AATF: variants seen among roughly 807,000 people sequenced by gnomAD.
The protein encoded by AATF is protein AATF.
In AATF, 48 loss-of-function variants were observed where a neutral mutation model predicts 63.7. The ratio of observed to expected loss-of-function variants is 0.75; its 90% CI spans 0.60 to 0.96. The LOEUF (loss-of-function observed/expected upper bound fraction) is 0.96. AATF is among the 40% of genes least tolerant of loss of function. AATF has a pLI of 0.00. For missense variants in AATF, 639 were observed against 685.7 expected, an observed-to-expected ratio of 0.93 and a Z score of 0.76; for synonymous variants, 258 against 247.7, an observed-to-expected ratio of 1.04 and a Z score of -0.39.
intron 7 of AATF, among the ~76,000 whole-genome samples, chr17:36,990,028 T>TTAATAGTTGTAACAAGTTTACAGTTAA (rs1417307961): frequency 7.2e-5 from 11 of 152,272 alleles, no homozygotes; most frequent in East Asian, 3.9e-4. Flanking sequence ...CAGTTAATAA[T>TTAATAGTTGTAACAAGTTTACAGTTAA]TAATAGTTGT....
chr17:36,953,933 A>G, intron 4 of AATF, 26 bp downstream of exon 4: 3 of 1,609,290 alleles, frequency 1.9e-6, no homozygotes, highest in Non-Finnish European at 2.5e-6. Flanking sequence ...TCCTGTTGGA[A>G]TACTTAGAAC....
At chr17:37,013,119 A>G (rs551470134) in intron 8 of AATF, among the ~76,000 whole-genome samples, 1 of 152,358 alleles carries the variant, frequency 6.6e-6, no homozygotes, top group East Asian at 1.9e-4. Flanking sequence ...TTACAGCTCA[A>G]TAACAAAAAG....
intron 8 of AATF, among the ~76,000 whole-genome samples, chr17:37,010,841 A>G (rs76014915): frequency 0.12 from 18,404 of 152,220 alleles, 1,345 homozygotes; most frequent in Non-Finnish European, 0.16. Flanking sequence ...CACGTACAGA[A>G]TGAAGCCTGG....
intron 4 of AATF, among the ~76,000 whole-genome samples, chr17:36,978,561 C>T (rs1298960505): frequency 2.6e-5 from 4 of 152,002 alleles, no homozygotes; most frequent in East Asian, 1.9e-4. Context: ...ACTTTTAGTC[C>T]GCAGAGCTCA....
At chr17:36,994,889 G>A (rs1220664928) in intron 8 of AATF, among the ~76,000 whole-genome samples, 2 of 152,204 alleles carry the variant, frequency 1.3e-5, no homozygotes, top group African/African-American at 2.4e-5. Context: ...TAAGTAGATA[G>A]GTACTTGGCA....
intron 10 of AATF, among the ~76,000 whole-genome samples, chr17:37,023,823 C>T (rs374770070): frequency 3.9e-5 from 6 of 151,932 alleles, no homozygotes; most frequent in African/African-American, 1.5e-4. Flanking sequence ...GGATTGGTTC[C>T]AGGACGCACA....
chr17:36,984,606 G>C (rs2071152454), intron 4 of AATF, among the ~76,000 whole-genome samples: 1 of 152,166 alleles, frequency 6.6e-6, no homozygotes, highest in African/African-American at 2.4e-5. Context: ...GAGAAGGTAA[G>C]AATTCTGTTG....
chr17:36,993,200 C>T (rs970902849), intron 8 of AATF, among the ~76,000 whole-genome samples: 1 of 152,218 alleles, frequency 6.6e-6, no homozygotes, highest in South Asian at 2.1e-4. Flanking sequence ...CACATTCCGA[C>T]ATCTGCTGAG....
chr17:37,007,359 ATTTTTTTTTTTTTTT>A (rs71368436), intron 8 of AATF, among the ~76,000 whole-genome samples: 1 of 112,594 alleles, frequency 8.9e-6, no homozygotes, highest in Admixed American at 9.2e-5. Flanking sequence ...GGCTAATTTA[ATTTTTTTTTTTTTTT>A]TTTTTTTTTT....
chr17:37,008,530 G>A (rs987098587), intron 8 of AATF, among the ~76,000 whole-genome samples: 1 of 152,170 alleles, frequency 6.6e-6, no homozygotes, highest in African/African-American at 2.4e-5. Flanking sequence ...ACTGGTATTT[G>A]ACAAGCCTAT....
intron 10 of AATF, chr17:37,031,327 G>A: frequency 6.5e-6 from 3 of 463,274 alleles, no homozygotes; most frequent in Admixed American, 3.4e-5. Context: ...GGGAGCATGT[G>A]TGTAGATTAC....
intron 8 of AATF, among the ~76,000 whole-genome samples, chr17:37,002,239 A>G (rs2142264983): frequency 6.6e-6 from 1 of 152,194 alleles, no homozygotes; most frequent in East Asian, 1.9e-4. Context: ...GAAGCCACCA[A>G]AAAACTACTA....
chr17:37,007,671 G>A (rs567250021), intron 8 of AATF, among the ~76,000 whole-genome samples: 7 of 152,188 alleles, frequency 4.6e-5, no homozygotes, highest in Middle Eastern at 6.8e-3. Context: ...AGTGTGTATC[G>A]AAGAATTCAG....
In AATF at chr17:36,986,443, C is replaced by T. The variant is rs115599846; in HGVS notation, c.833-174C>T. Among the ~76,000 whole-genome samples, 1,142 of 152,270 alleles carry T rather than the reference C, an allele frequency of 7.5e-3. 11 individuals are homozygous for T. The highest frequency in any genetic ancestry group is 0.027 in the African/African-American group (1,108 of 41,540). On this transcript the variant is annotated intron_variant, in intron 4 of 11. Coordinates refer to ENST00000619387, the MANE Select transcript of AATF (RefSeq NM_012138.4). ...CACAACAATCCTGTGAGGTAGGCAACGTTGTTATTTCCATTTGGGAATATT... is the reference window on the plus strand; with the variant it reads ...CACAACAATCCTGTGAGGTAGGCAATGTTGTTATTTCCATTTGGGAATATT...
intron 4 of AATF, among the ~76,000 whole-genome samples, chr17:36,969,056 TC>T (rs139300114): frequency 0.042 from 6,424 of 152,266 alleles, 365 homozygotes; most frequent in African/African-American, 0.13. Flanking sequence ...TTTTTGGTGA[TC>T]CTCTGCGGTC....
chr17:36,952,962 C>T lies in AATF; in HGVS notation c.360C>T (p.Asp120=), dbSNP rs375023126. The T allele has an allele frequency of 4.6e-5, 74 of 1,614,092 alleles. No individual in the cohort carries two copies. Among genetic ancestry groups the T allele is most frequent in the Non-Finnish European group, 5.3e-5 (63 of 1,180,032 alleles). ...EGLGLEEYDE[D]DLGAAEEQEC... is the part of the protein sequence containing the mutation. ...TGGGTCTGGAGGAATATGATGAGGA[C>T]GACCTGGGTGCTGCTGAGGAACAGG... The change falls in exon 3 of 12, where the codon GAC becomes GAT. Residue 120 remains aspartate (D), a synonymous_variant. Transcript: ENST00000619387.
intron 4 of AATF, among the ~76,000 whole-genome samples, chr17:36,965,909 T>A (rs998866389): frequency 1.3e-5 from 2 of 152,078 alleles, no homozygotes; most frequent in African/African-American, 4.8e-5. Context: ...GGTCTTGCAG[T>A]GTTCCCCAGG....
chr17:36,988,151 T>C (rs1179280338), intron 5 of AATF, among the ~76,000 whole-genome samples: 9 of 152,060 alleles, frequency 5.9e-5, no homozygotes, highest in African/African-American at 2.2e-4. Context: ...CCATCTTTAC[T>C]AAAAATATGA....
At chr17:36,997,858 C>G (rs1461383372) in intron 8 of AATF, among the ~76,000 whole-genome samples, 1 of 152,158 alleles carries the variant, frequency 6.6e-6, no homozygotes, top group African/African-American at 2.4e-5. Context: ...GATAAAGAAA[C>G]TGTGGTATAT....
Sources: gnomAD v4.1 joint callset for allele counts (sites outside exome capture counted in the v4.1 genomes callset) on GRCh38, gnomAD v4.1.1 for gene constraint, MANE v1.5 for transcripts, NCBI Gene and HGNC (gene_info 2026-07-23, HGNC 2026-07-21) for gene names.